SHISA9: variants seen among roughly 807,000 people sequenced by gnomAD.
SHISA9 encodes the protein protein shisa-9.
A neutral mutation model predicts 38.0 loss-of-function variants in SHISA9; 13 were observed. The ratio of observed to expected loss-of-function variants is 0.34; its 90% CI spans 0.22 to 0.54. The LOEUF (loss-of-function observed/expected upper bound fraction) is 0.54. SHISA9 is among the 20% of genes least tolerant of loss of function. The pLI, the probability that SHISA9 is intolerant of heterozygous loss-of-function variation, is 0.91. For missense variants in SHISA9, 538 were observed against 575.8 expected, an observed-to-expected ratio of 0.93 and a Z score of 0.67; for synonymous variants, 275 against 242.0, an observed-to-expected ratio of 1.14 and a Z score of -1.27.
chr16:13,251,972 C>T, the SHISA9 span, among the ~76,000 whole-genome samples: 1 of 152,140 alleles, frequency 6.6e-6, no homozygotes, highest in Admixed American at 6.5e-5. Context: ...AGCCTTGTGC[C>T]CTAGGGCCAG....
chr16:13,136,944 G>A (rs936935034), intron 2 of SHISA9, among the ~76,000 whole-genome samples: 2 of 152,164 alleles, frequency 1.3e-5, no homozygotes, highest in African/African-American at 2.4e-5. Flanking sequence ...AGATTGAGAA[G>A]GTTTCTGCAA....
the SHISA9 span, among the ~76,000 whole-genome samples, chr16:13,431,170 T>A: frequency 2.0e-5 from 3 of 152,150 alleles, no homozygotes; most frequent in Non-Finnish European, 4.4e-5. Flanking sequence ...CTCCTTGAAT[T>A]TGACCTCCCC....
intron 2 of SHISA9, among the ~76,000 whole-genome samples, chr16:13,191,207 TC>T (rs1312057658): frequency 6.6e-6 from 1 of 152,222 alleles, no homozygotes; most frequent in East Asian, 1.9e-4. Flanking sequence ...AGAGCTCTGT[TC>T]TGATTTCTGA....
At chr16:13,515,604 C>A in the SHISA9 span, among the ~76,000 whole-genome samples, 30 of 152,168 alleles carry the variant, frequency 2.0e-4, no homozygotes, top group Non-Finnish European at 4.1e-4. Flanking sequence ...TTATATATGA[C>A]CCCAACAGTG....
intron 2 of SHISA9, among the ~76,000 whole-genome samples, chr16:12,925,801 T>C (rs548130530): frequency 2.6e-5 from 4 of 152,348 alleles, no homozygotes; most frequent in East Asian, 1.9e-4. Context: ...TACTATAGCA[T>C]TGATACTTAG....
At chr16:13,481,345 G>C in the SHISA9 span, among the ~76,000 whole-genome samples, 1 of 152,220 alleles carries the variant, frequency 6.6e-6, no homozygotes, top group South Asian at 2.1e-4. Context: ...TAGCTATTTG[G>C]AAAAAGTACA....
chr16:13,161,811 T>C (rs916036336), intron 2 of SHISA9, among the ~76,000 whole-genome samples: 96 of 152,330 alleles, frequency 6.3e-4, no homozygotes, highest in Middle Eastern at 3.4e-3. Context: ...CGTTTTTTTT[T>C]CCTCTATCGG....
intron 2 of SHISA9, among the ~76,000 whole-genome samples, chr16:13,110,577 A>G (rs1035052029): frequency 6.6e-6 from 1 of 152,166 alleles, no homozygotes; most frequent in African/African-American, 2.4e-5. Context: ...ACATCCAAAA[A>G]AAGTACAGGG....
chr16:13,031,537 A>T (rs1355941693), intron 2 of SHISA9, among the ~76,000 whole-genome samples: 2 of 152,194 alleles, frequency 1.3e-5, no homozygotes, highest in Non-Finnish European at 2.9e-5. Flanking sequence ...AGCCAAGGGT[A>T]AGGCAATTTA....
chr16:13,041,555 G>A (rs1180972194), intron 2 of SHISA9, among the ~76,000 whole-genome samples: 1 of 152,168 alleles, frequency 6.6e-6, no homozygotes, highest in Non-Finnish European at 1.5e-5. Flanking sequence ...CAAACAAGGG[G>A]CTATATGTAG....
chr16:13,418,687 A>G, the SHISA9 span, among the ~76,000 whole-genome samples: 1 of 152,224 alleles, frequency 6.6e-6, no homozygotes, highest in Non-Finnish European at 1.5e-5. Context: ...ATGGCAAAGC[A>G]GCAAAGAGAT....
intron 2 of SHISA9, among the ~76,000 whole-genome samples, chr16:13,010,206 A>G (rs796416112): frequency 5.3e-5 from 8 of 152,316 alleles, no homozygotes; most frequent in African/African-American, 1.9e-4. Context: ...CCAGAACTCC[A>G]ATTTCAAAAA....
the SHISA9 span, among the ~76,000 whole-genome samples, chr16:13,309,809 A>T: frequency 6.6e-6 from 1 of 152,104 alleles, no homozygotes; most frequent in Non-Finnish European, 1.5e-5. Context: ...GACCAAACCT[A>T]AAACAACAAA....
At chr16:13,476,779 C>T in the SHISA9 span, among the ~76,000 whole-genome samples, 51 of 117,646 alleles carry the variant, frequency 4.3e-4, no homozygotes, top group South Asian at 1.1e-3. Context: ...GACGGAGTCT[C>T]GCTCTGTCGC....
chr16:13,403,962 A>G, the SHISA9 span, among the ~76,000 whole-genome samples: 3 of 152,212 alleles, frequency 2.0e-5, no homozygotes, highest in African/African-American at 4.8e-5. Context: ...CTATCAAGTC[A>G]GAGTTTGATG....
chr16:13,085,629 A>C (rs2073701920), intron 2 of SHISA9, among the ~76,000 whole-genome samples: 1 of 152,220 alleles, frequency 6.6e-6, no homozygotes, highest in African/African-American at 2.4e-5. Context: ...GTAAAAGGTC[A>C]AGTCTACGTT....
At chr16:13,245,074 C>A (rs1034375844), downstream of SHISA9, among the ~76,000 whole-genome samples, 4 of 152,068 alleles carry the variant, frequency 2.6e-5, no homozygotes, top group African/African-American at 7.2e-5. Flanking sequence ...TGCCACCATG[C>A]CCAGCTAATT....
At chr16:13,537,944 G>C in the SHISA9 span, among the ~76,000 whole-genome samples, 1 of 152,048 alleles carries the variant, frequency 6.6e-6, no homozygotes, top group South Asian at 2.1e-4. Flanking sequence ...GAGAAAAATG[G>C]TGTTTTCTAC....
the SHISA9 span, among the ~76,000 whole-genome samples, chr16:13,341,517 GACCATC>G: frequency 6.6e-6 from 1 of 152,102 alleles, no homozygotes; most frequent in South Asian, 2.1e-4. Flanking sequence ...CAATGATGAT[GACCATC>G]ACTCTGAGAA....
Sources: allele counts gnomAD v4.1 joint callset (sites outside exome capture counted in the v4.1 genomes callset), GRCh38; gene constraint gnomAD v4.1.1; transcripts MANE v1.5; gene names NCBI Gene and HGNC (gene_info 2026-07-23, HGNC 2026-07-21).